The following PODXL variants were observed in gnomAD, a reference collection of about 807,000 sequenced individuals.
PODXL encodes podocalyxin like, also known as podocalyxin.
PODXL carries 20 observed loss-of-function variants against 48.9 expected under a neutral mutation model. That is an observed-to-expected ratio of 0.41 (90% CI 0.29 to 0.59). The LOEUF (loss-of-function observed/expected upper bound fraction) is 0.59, where lower values mean the gene tolerates loss of function less well. Among genes scored for constraint, PODXL ranks in the 20% least tolerant of loss-of-function variants. The pLI is 0.31. For synonymous variants in PODXL, 295 were observed against 287.4 expected (o/e 1.03, Z -0.27); for missense variants, 606 against 675.1 (o/e 0.90, Z 1.13).
At chr7:131,546,093 C>T (rs973563036) in intron 1 of PODXL, among the ~76,000 whole-genome samples, 3 of 152,224 alleles carry the variant, frequency 2.0e-5, no homozygotes, top group African/African-American at 7.2e-5. Context: ...CCCCCATGCC[C>T]TCCCTTTCCT....
chr7:131,553,904 A>C (rs566739510), intron 1 of PODXL, among the ~76,000 whole-genome samples: 4 of 152,306 alleles, frequency 2.6e-5, no homozygotes, highest in African/African-American at 7.2e-5. Flanking sequence ...ATGGTTATCA[A>C]ACCAAAAAGC....
At chr7:131,524,379 C>CAGAGAGAGATAGAGAGAGAG (rs1798143652) in intron 1 of PODXL, among the ~76,000 whole-genome samples, 1 of 104,052 alleles carries the variant, frequency 9.6e-6, no homozygotes, top group Non-Finnish European at 2.3e-5. Context: ...CACACACACA[C>CAGAGAGAGATAGAGAGAGAG]AGAGAGAGAG....
chr7:131,505,073 G>A (rs1025077635), intron 8 of PODXL, among the ~76,000 whole-genome samples: 4 of 152,180 alleles, frequency 2.6e-5, no homozygotes, highest in Non-Finnish European at 5.9e-5. Flanking sequence ...GTTTGAATTG[G>A]TGTGGGAGGC....
chr7:131,501,210 G>A lies in PODXL; in HGVS notation c.*3101C>T, dbSNP rs1317209141. On this transcript the variant is annotated 3_prime_UTR_variant, in exon 9 of 9. Transcript: ENST00000378555. ...AAAAAAAAAAATCAAGCAAAAACTT[G>A]TCATTTCCAGTAAGACATTTACATT... 6.6e-6 allele frequency: 1 copy of A among 152,184 alleles called. No homozygotes were observed. Among genetic ancestry groups the A allele is most frequent in the African/African-American group, 2.4e-5 (1 of 41,292 alleles). The allele number at this position is 152,184 out of a possible 1,614,324, so 9.4% of individuals were successfully genotyped here.
chr7:131,537,741 G>A (rs1459433208), intron 1 of PODXL, among the ~76,000 whole-genome samples: 1 of 152,130 alleles, frequency 6.6e-6, no homozygotes, highest in African/African-American at 2.4e-5. Flanking sequence ...CTCCATCCCC[G>A]AGGGTAACCG....
intron 1 of PODXL, among the ~76,000 whole-genome samples, chr7:131,532,092 A>C (rs1339112618): frequency 6.8e-6 from 1 of 147,664 alleles, no homozygotes; most frequent in Non-Finnish European, 1.5e-5. Flanking sequence ...ACAAGAGCGA[A>C]ACTCCATCTC....
At chr7:131,505,795 C>A in intron 8 of PODXL, 73 bp downstream of exon 8, 4 of 1,403,880 alleles carry the variant, frequency 2.8e-6, no homozygotes. Flanking sequence ...TTCTGCAACT[C>A]GGGAATCACG....
At chr7:131,543,893 T>C (rs1170384166) in intron 1 of PODXL, among the ~76,000 whole-genome samples, 1 of 152,008 alleles carries the variant, frequency 6.6e-6, no homozygotes, top group African/African-American at 2.4e-5. Flanking sequence ...TCCCAATGGC[T>C]GAGAACATCC....
chr7:131,524,806 A>T (rs996924677), intron 1 of PODXL, among the ~76,000 whole-genome samples: 1 of 152,256 alleles, frequency 6.6e-6, no homozygotes, highest in Non-Finnish European at 1.5e-5. Flanking sequence ...GCAAATGTTT[A>T]TAGCAGTTTT....
At chr7:131,537,929 A>G (rs1798405771) in intron 1 of PODXL, among the ~76,000 whole-genome samples, 1 of 152,024 alleles carries the variant, frequency 6.6e-6, no homozygotes, top group South Asian at 2.1e-4. Flanking sequence ...GGAGGACTCT[A>G]TTGTGTGCAC....
intron 1 of PODXL, among the ~76,000 whole-genome samples, chr7:131,545,080 A>G (rs964938968): frequency 6.6e-6 from 1 of 152,230 alleles, no homozygotes; most frequent in Non-Finnish European, 1.5e-5. Flanking sequence ...CAGAGGCACA[A>G]CAGGAAAGAG....
At chr7:131,533,812 G>A (rs1798322336) in intron 1 of PODXL, among the ~76,000 whole-genome samples, 1 of 152,144 alleles carries the variant, frequency 6.6e-6, no homozygotes, top group Admixed American at 6.5e-5. Context: ...CAGGGAGCCC[G>A]ACACCCGGCT....
Position 131,509,525 on chromosome 7 carries a change from G to A in PODXL, c.863C>T (p.Thr288Met), listed in dbSNP as rs769831427. The change falls in exon 4 of 9, where the codon ACG becomes ATG. Residue 288 changes from threonine (T) to methionine (M), a missense_variant. Transcript: ENST00000378555. ...QTSSQMPASSTAPSSQETVQP... is the reference protein window; with the variant it reads ...QTSSQMPASSMAPSSQETVQP... ...CACTGTCTCCTGGGAGGAAGGGGCC[G>A]TAGAGCTGGCTGGCATCTGACTGGA... 5.8e-5 allele frequency: 93 copies of A among 1,604,336 alleles called. 1 individual carries two copies. The highest frequency in any genetic ancestry group is 3.3e-4 in the Middle Eastern group (2 of 6,014).
chr7:131,543,825 G>A (rs978953012), intron 1 of PODXL, among the ~76,000 whole-genome samples: 6 of 152,058 alleles, frequency 3.9e-5, no homozygotes, highest in Non-Finnish European at 8.8e-5. Context: ...CCAGGAATCC[G>A]TGGTGTCACT....
intron 1 of PODXL, among the ~76,000 whole-genome samples, chr7:131,518,013 A>G (rs1387203937): frequency 2.0e-5 from 3 of 152,174 alleles, no homozygotes; most frequent in African/African-American, 7.2e-5. Context: ...TGCTGGGATT[A>G]CAGGTGTGAG....
At chr7:131,534,684 C>A (rs923836436) in intron 1 of PODXL, among the ~76,000 whole-genome samples, 1 of 152,108 alleles carries the variant, frequency 6.6e-6, no homozygotes, top group Non-Finnish European at 1.5e-5. Flanking sequence ...TGGGTGTGGA[C>A]CAAGATGGAA....
chr7:131,512,737 G>A lies in PODXL; in HGVS notation c.101-1304C>T, dbSNP rs1797935428. 2.6e-5 allele frequency among the ~76,000 whole-genome samples: 4 copies of A among 152,144 alleles called. No individual in the cohort carries two copies. In the South Asian group the frequency reaches 8.3e-4, roughly 32 times the overall value. On this transcript the variant is annotated intron_variant, in intron 1 of 8. Transcript: ENST00000378555. ...TCATGCCTTTAATCCCAGCACTTTG[G>A]GAGGCTGAGGCAGGCAGATCACTTG...
At chr7:131,551,324 C>G (rs1013418588) in intron 1 of PODXL, among the ~76,000 whole-genome samples, 4 of 152,202 alleles carry the variant, frequency 2.6e-5, no homozygotes, top group Admixed American at 2.0e-4. Context: ...GCTCCCTGCC[C>G]TGCTTCATGG....
Position 131,508,943 on chromosome 7 carries a change from C to T in PODXL, c.1101+8G>A. 6.2e-7 allele frequency: 1 copy of T among 1,605,888 alleles called. No individual in the cohort carries two copies. On this transcript the variant is annotated splice_region_variant and intron_variant, in intron 5 of 8. Coordinates refer to ENST00000378555, the MANE Select transcript of PODXL (RefSeq NM_001018111.3). ...GCACCTGGCGGCTCAGATCAGCAAG[C>T]TACTCACACAGAGGGTGTTTCCTGT...
Sources: allele counts gnomAD v4.1 joint callset (sites outside exome capture counted in the v4.1 genomes callset), GRCh38; gene constraint gnomAD v4.1.1; transcripts MANE v1.5; gene names NCBI Gene and HGNC (gene_info 2026-07-23, HGNC 2026-07-21).